The following GPHN variants were observed in gnomAD, a reference collection of about 807,000 sequenced individuals.
GPHN encodes gephyrin.
GPHN carries 17 observed loss-of-function variants against 95.5 expected under a neutral mutation model. The ratio of observed to expected loss-of-function variants is 0.18; its 90% CI spans 0.12 to 0.27. The LOEUF is 0.27. Among genes scored for constraint, GPHN ranks in the 10% least tolerant of loss-of-function variants. The pLI, the probability that GPHN is intolerant of heterozygous loss-of-function variation, is 1.00. For synonymous variants in GPHN, 320 were observed against 322.5 expected, an observed-to-expected ratio of 0.99 and a Z score of 0.08; for missense variants, 660 against 978.1, an observed-to-expected ratio of 0.67 and a Z score of 4.34.
At chr14:67,490,139 A>G in the GPHN span, among the ~76,000 whole-genome samples, 12 of 152,324 alleles carry the variant, frequency 7.9e-5, no homozygotes, top group East Asian at 2.1e-3. Flanking sequence ...GAAACATCCA[A>G]TGTTACTAAT....
At chr14:67,102,618 C>T (rs2077775513) in intron 13 of GPHN, among the ~76,000 whole-genome samples, 1 of 151,998 alleles carries the variant, frequency 6.6e-6, no homozygotes, top group Admixed American at 6.5e-5. Context: ...CGAAATCTCA[C>T]CACTGCACTC....
intron 11 of GPHN, among the ~76,000 whole-genome samples, chr14:67,080,177 C>G (rs1254913772): frequency 6.6e-6 from 1 of 151,984 alleles, no homozygotes; most frequent in Non-Finnish European, 1.5e-5. Context: ...TGATAATGAG[C>G]ATCTTTTTAT....
Position 67,181,186 on chromosome 14 carries a change from T to A in GPHN, c.*249T>A, listed in dbSNP as rs2083307880. The A allele has an allele frequency of 1.8e-6, 1 of 541,766 alleles. No individual in the cohort carries two copies. The highest frequency in any genetic ancestry group is 3.3e-6 in the Non-Finnish European group (1 of 301,814). 33.6% of individuals were successfully genotyped at this position (541,766 alleles called of 1,614,324 possible). A position where few individuals can be genotyped will look rare whatever the true frequency, so the allele number is the denominator to read the frequency against. On this transcript the variant is annotated 3_prime_UTR_variant, in exon 23 of 23. Coordinates refer to ENST00000478722, the MANE Select transcript of GPHN (RefSeq NM_020806.5). ...TTCCTTTCTTGCAAATTGCTTTGTG[T>A]GTTCAATGCTAGGTCTGATAGCGAT... is the stretch of plus-strand genomic sequence containing the variant.
chr14:67,076,918 A>C (rs189981087), intron 11 of GPHN, among the ~76,000 whole-genome samples: 3 of 152,300 alleles, frequency 2.0e-5, no homozygotes, highest in Non-Finnish European at 4.4e-5. Context: ...TTCCTGGACC[A>C]CTGAACTTAG....
chr14:67,075,531 A>G (rs1198511199), intron 11 of GPHN, among the ~76,000 whole-genome samples: 2 of 152,196 alleles, frequency 1.3e-5, no homozygotes, highest in Non-Finnish European at 2.9e-5. Flanking sequence ...TGCCATAGAT[A>G]GTGATTCCTA....
At chr14:67,188,667 C>T in the GPHN span, among the ~76,000 whole-genome samples, 6 of 152,142 alleles carry the variant, frequency 3.9e-5, no homozygotes, top group Non-Finnish European at 8.8e-5. Context: ...ACAGGGGAAC[C>T]ACTCGGACAA....
chr14:66,735,323 T>A (rs1313612922), intron 2 of GPHN, among the ~76,000 whole-genome samples: 3 of 152,098 alleles, frequency 2.0e-5, no homozygotes, highest in Non-Finnish European at 4.4e-5. Flanking sequence ...TGAAGCTGGG[T>A]TTTGCACAGT....
chr14:66,573,449 CCT>C (rs2060777889), intron 1 of GPHN, among the ~76,000 whole-genome samples: 1 of 149,764 alleles, frequency 6.7e-6, no homozygotes, highest in Non-Finnish European at 1.5e-5. Context: ...TATATAATAA[CCT>C]TTTTTTTTTT....
chr14:66,894,484 A>G (rs1279494620), intron 5 of GPHN, among the ~76,000 whole-genome samples: 1 of 152,230 alleles, frequency 6.6e-6, no homozygotes, highest in Non-Finnish European at 1.5e-5. Flanking sequence ...ACCAAAAGCA[A>G]TGGCAACATA....
At chr14:67,576,997 C>T in the GPHN span, among the ~76,000 whole-genome samples, 1 of 152,152 alleles carries the variant, frequency 6.6e-6, no homozygotes, top group African/African-American at 2.4e-5. This position sits in a 1 kb window ranked among gnomAD's most constrained non-coding sequence, Gnocchi z 4.0. Context: ...TATGCCCCTC[C>T]ATCCAGACTT....
chr14:66,586,043 T>G (rs1285088975), intron 1 of GPHN, among the ~76,000 whole-genome samples: 2 of 152,202 alleles, frequency 1.3e-5, no homozygotes, highest in Non-Finnish European at 2.9e-5. Flanking sequence ...TGTAGGTCAC[T>G]AAGAACTTGC....
Position 67,110,212 on chromosome 14 carries a change from G to A in GPHN, c.1366G>A (p.Ala456Thr). 2 of 1,613,178 alleles carry A rather than the reference G, an allele frequency of 1.2e-6. No homozygotes were observed. Among genetic ancestry groups the A allele is most frequent in the Non-Finnish European group, 1.7e-6 (2 of 1,179,134 alleles). ...TGAPIPCGAD[A>T]VVQVEDTELI... ...TGCTCCAATACCCTGCGGTGCTGATGCAGTAGTACAAGTGGAAGATACCGA... is the reference window on the plus strand; with the variant it reads ...TGCTCCAATACCCTGCGGTGCTGATACAGTAGTACAAGTGGAAGATACCGA... Residue 456 changes from alanine to threonine, a missense_variant, in exon 14 of 23, where the codon GCA becomes ACA. Transcript: ENST00000478722.
chr14:67,009,964 G>T (rs1252509856), intron 9 of GPHN, among the ~76,000 whole-genome samples: 5 of 151,798 alleles, frequency 3.3e-5, no homozygotes, highest in Middle Eastern at 3.4e-3. Context: ...TCACCATGTT[G>T]GCCAGCCTGG....
chr14:67,109,024 A>G (rs1220263447), intron 13 of GPHN, among the ~76,000 whole-genome samples: 1 of 152,186 alleles, frequency 6.6e-6, no homozygotes, highest in Non-Finnish European at 1.5e-5. Context: ...AGCCCACTAC[A>G]CACCTAGCCT....
intron 4 of GPHN, among the ~76,000 whole-genome samples, chr14:66,869,331 A>G (rs887629304): frequency 3.7e-4 from 57 of 152,322 alleles, no homozygotes; most frequent in African/African-American, 1.3e-3. Flanking sequence ...TCTTCAAACC[A>G]TTCTTCTGTT....
chr14:67,429,240 T>G, the GPHN span, among the ~76,000 whole-genome samples: 1 of 151,384 alleles, frequency 6.6e-6, no homozygotes, highest in Non-Finnish European at 1.5e-5. Context: ...ATTTTTTTTT[T>G]TTTTTTTTGA....
At chr14:67,680,741 G>T in the GPHN span, among the ~76,000 whole-genome samples, 1 of 152,206 alleles carries the variant, frequency 6.6e-6, no homozygotes, top group Non-Finnish European at 1.5e-5. Context: ...TTACAGGCGT[G>T]AGCCGCCGCG....
chr14:67,667,726 C>T, the GPHN span, among the ~76,000 whole-genome samples: 2 of 152,068 alleles, frequency 1.3e-5, no homozygotes, highest in African/African-American at 4.8e-5. Flanking sequence ...GGGCGGATCA[C>T]GAGGTCAGGA....
At chr14:66,940,472 C>T (rs1040155948) in intron 8 of GPHN, among the ~76,000 whole-genome samples, 3 of 152,076 alleles carry the variant, frequency 2.0e-5, no homozygotes, top group African/African-American at 7.2e-5. Flanking sequence ...AGGGTGCCAC[C>T]CATAGGTTTT....
Sources: allele counts gnomAD v4.1 joint callset (sites outside exome capture counted in the v4.1 genomes callset), GRCh38; gene constraint gnomAD v4.1.1; non-coding constraint Gnocchi (gnomAD v3.1); transcripts MANE v1.5; gene names NCBI Gene and HGNC (gene_info 2026-07-23, HGNC 2026-07-21).